EFCAB13: variants seen among roughly 807,000 people sequenced by gnomAD.
EFCAB13 encodes EF-hand calcium-binding domain-containing protein 13.
EFCAB13 carries 91 observed loss-of-function variants against 110.2 expected under a neutral mutation model. The ratio of observed to expected loss-of-function variants is 0.83; its 90% CI spans 0.70 to 0.98. The LOEUF is 0.98. Ranked by LOEUF, EFCAB13 falls within the 50% of genes least tolerant of loss-of-function variation. The probability of loss-of-function intolerance (pLI) is 0.00; values close to 1 mark genes in which losing one functional copy is unlikely to be tolerated. For synonymous variants in EFCAB13, 323 were observed against 369.9 expected, an observed-to-expected ratio of 0.87 and a Z score of 1.45; for missense variants, 968 against 1,119.4, an observed-to-expected ratio of 0.86 and a Z score of 1.93.
chr17:47,388,112 G>A (rs1355514753), intron 14 of EFCAB13, among the ~76,000 whole-genome samples: 1 of 152,170 alleles, frequency 6.6e-6, no homozygotes, highest in Non-Finnish European at 1.5e-5. Flanking sequence ...TTGTGGCCTG[G>A]GGTTGCTGGT....
intron 23 of EFCAB13, among the ~76,000 whole-genome samples, chr17:47,421,044 C>T (rs1904683238): frequency 6.7e-6 from 1 of 149,706 alleles, no homozygotes; most frequent in African/African-American, 2.5e-5. Flanking sequence ...CCCCGCCCGG[C>T]CAGCCACCCC....
intron 15 of EFCAB13, 50 bp downstream of exon 15, chr17:47,391,630 G>A (rs758217757): frequency 4.2e-5 from 61 of 1,457,430 alleles, no homozygotes; most frequent in Non-Finnish European, 5.3e-5. Flanking sequence ...TGGAAGGAGG[G>A]TCAATTTGTT....
At chr17:47,409,189 G>A (rs2065820783) in intron 20 of EFCAB13, 1 of 154,190 alleles carries the variant, frequency 6.5e-6, no homozygotes, top group Non-Finnish European at 1.4e-5. Flanking sequence ...GGAAGTATGT[G>A]GAGTGAATGG....
At position 47,325,949 on chromosome 17, in the gene EFCAB13, TATATATATATATAG is replaced by T. The variant is rs1490792215; in HGVS notation, c.-247-276_-247-263del. 5.9e-4 allele frequency among the ~76,000 whole-genome samples: 54 copies of T among 91,680 alleles called. 2 individuals carry two copies. The South Asian group carries it at 8.0e-3, about 14-fold the overall frequency. 60.1% of individuals were successfully genotyped at this position (91,680 alleles called of 152,430 possible). On this transcript the variant is annotated intron_variant, in intron 2 of 24. Transcript: ENST00000331493. Reference sequence around the variant, plus strand: ...ATATATATATATATATATATATATATATATATATATATAGCATATATATATTTTGTTCATTGGTA... The same window carrying T: ...ATATATATATATATATATATATATATCATATATATATTTTGTTCATTGGTA...
rs150727372 is a variant in EFCAB13 at position 47,379,183 on chromosome 17, G to T, written c.1512G>T (p.Glu504Asp). ...AATCTAAACTCTTTTTAAAAACAGA[G>T]AATGGAATGGTGGAGTTAGATGACT... is the stretch of plus-strand genomic sequence containing the variant. ...QKIVTDTSRN[E>D]NGMVELDDFV... Residue 504 changes from glutamate to aspartate, a missense_variant and splice_region_variant, in exon 14 of 25, where the codon GAG becomes GAT. Physicochemically the swap from Glu to Asp is conservative, Grantham distance 45. Coordinates refer to ENST00000331493, the MANE Select transcript of EFCAB13 (RefSeq NM_152347.5). 1.2e-4 allele frequency: 190 copies of T among 1,612,546 alleles called. 2 individuals carry two copies. The African/African-American group carries it at 2.3e-3, about 20-fold the overall frequency.
rs539270750 is a variant in EFCAB13 at position 47,391,796 on chromosome 17, A to T, written c.1726+216A>T. Among the ~76,000 whole-genome samples, 223 of 151,890 alleles carry T rather than the reference A, an allele frequency of 1.5e-3. 1 individual carries two copies. Among genetic ancestry groups the T allele is most frequent in the African/African-American group, 3.7e-3 (152 of 41,390 alleles). ...TAATAGTCTTTTTAATTAAAAAAAA[A>T]TTTTATTTATTTATTCTTTAAATAA... On this transcript the variant is annotated intron_variant, in intron 15 of 24. Transcript: ENST00000331493.
Position 47,379,248 on chromosome 17 carries a change from G to T in EFCAB13, c.1577G>T (p.Cys526Phe), listed in dbSNP as rs750589562. The T allele has an allele frequency of 6.8e-6, 11 of 1,611,618 alleles. No homozygotes were observed. The South Asian group carries it at 1.2e-4, about 18-fold the overall frequency. ...ALAKERSFPE[C>F]NALPGVIKAI... ...GCCAAGGAGCGAAGTTTTCCTGAAT[G>T]CAATGGTAGGTAGGAAATTTGTTTT... The change falls in exon 14 of 25, where the codon TGC becomes TTC. Residue 526 changes from cysteine (C) to phenylalanine (F), a missense_variant. Coordinates refer to ENST00000331493, the MANE Select transcript of EFCAB13 (RefSeq NM_152347.5).
chr17:47,392,002 G>A (rs1330297337), intron 15 of EFCAB13, among the ~76,000 whole-genome samples: 1 of 152,092 alleles, frequency 6.6e-6, no homozygotes, highest in African/African-American at 2.4e-5. Flanking sequence ...GAGTATCTGT[G>A]CCCATATAAC....
intron 9 of EFCAB13, among the ~76,000 whole-genome samples, chr17:47,357,772 A>C (rs1013231026): frequency 3.3e-5 from 5 of 152,216 alleles, no homozygotes; most frequent in Non-Finnish European, 5.9e-5. Context: ...CCAAACACAC[A>C]TATAAATCTA....
intron 23 of EFCAB13, among the ~76,000 whole-genome samples, chr17:47,428,110 T>C (rs1905023149): frequency 1.3e-5 from 2 of 151,920 alleles, no homozygotes; most frequent in South Asian, 2.1e-4. Flanking sequence ...ATGTTTGAAA[T>C]GTTAGTCAAA....
At position 47,370,495 on chromosome 17, in the gene EFCAB13, G is replaced by A. The variant is rs375205658; in HGVS notation, c.864G>A (p.Gln288=). The change falls in exon 11 of 25, where the codon CAG becomes CAA. Residue 288 remains glutamine (Q), a synonymous_variant. Coordinates refer to ENST00000331493, the MANE Select transcript of EFCAB13 (RefSeq NM_152347.5). ...IIFTLNELQE[Q]YEDVSITEGS... ...TTACTTTGAATGAGCTACAGGAACA[G>A]TATGAGGATGTTTGTAAGTGAGCTC... The A allele has an allele frequency of 3.6e-5, 57 of 1,605,290 alleles. No homozygotes were observed. Among genetic ancestry groups the A allele is most frequent in the Middle Eastern group, 1.7e-4 (1 of 6,016 alleles).
chr17:47,377,622 T>G lies in EFCAB13; in HGVS notation c.1373-144T>G, dbSNP rs539137775. 1.5e-4 allele frequency: 91 copies of G among 588,736 alleles called. 1 individual carries two copies. In the Middle Eastern group the frequency reaches 1.9e-3, roughly 12 times the overall value. The allele number at this position is 588,736 out of a possible 1,614,324, so 36.5% of individuals were successfully genotyped here. A position where few individuals can be genotyped will look rare whatever the true frequency, so the allele number is the denominator to read the frequency against. On this transcript the variant is annotated intron_variant, in intron 12 of 24. Transcript: ENST00000331493. ...AAATATAATGTAATATAAACAGATA[T>G]GGAGAGAAAAGCAGTCTTATAAAAT...
chr17:47,398,156 G>A (rs2065756554), intron 17 of EFCAB13, among the ~76,000 whole-genome samples: 1 of 145,102 alleles, frequency 6.9e-6, no homozygotes, highest in African/African-American at 2.6e-5. Flanking sequence ...TCTGGGAGGT[G>A]AGGGGCGCCT....
chr17:47,347,200 G>A lies in EFCAB13; in HGVS notation c.518-608G>A, dbSNP rs117296531. ...GAGGATTGTTTAAGCCCAGGATTTC[G>A]CGACAGGAGTTTGAGACTGCAGTGA... On this transcript the variant is annotated intron_variant, in intron 8 of 24. Transcript: ENST00000331493. Among the ~76,000 whole-genome samples, 236 of 152,230 alleles carry A rather than the reference G, an allele frequency of 1.6e-3. 1 individual carries two copies. The highest frequency in any genetic ancestry group is 5.0e-3 in the African/African-American group (208 of 41,542).
chr17:47,372,214 T>C (rs1158769311), intron 11 of EFCAB13, among the ~76,000 whole-genome samples: 1 of 152,140 alleles, frequency 6.6e-6, no homozygotes, highest in Non-Finnish European at 1.5e-5. Context: ...GTTGATTTTT[T>C]TTTACTTTTT....
At chr17:47,371,099 C>A (rs1016069660) in intron 11 of EFCAB13, among the ~76,000 whole-genome samples, 3 of 132,612 alleles carry the variant, frequency 2.3e-5, no homozygotes, top group African/African-American at 8.5e-5. Flanking sequence ...TGTTTGAATT[C>A]CTTGAATTCC....
In EFCAB13 at chr17:47,431,608, T is replaced by C. The variant is rs980749764; in HGVS notation, c.2638+1647T>C. Among the ~76,000 whole-genome samples, 9 of 152,238 alleles carry C rather than the reference T, an allele frequency of 5.9e-5. No individual in the cohort carries two copies. Among genetic ancestry groups the C allele is most frequent in the African/African-American group, 2.2e-4 (9 of 41,562 alleles). On this transcript the variant is annotated intron_variant, in intron 24 of 24. Coordinates refer to ENST00000331493, the MANE Select transcript of EFCAB13 (RefSeq NM_152347.5). The surrounding 1 kb of genome is among the most constrained non-coding windows in gnomAD (Gnocchi z 4.1). ...TAGTCATTACATTATTAATTTCTAG[T>C]TTAATTGCATTGTGGTGGTCAGTGA...
At chr17:47,336,956 T>C (rs1041854360) in intron 5 of EFCAB13, among the ~76,000 whole-genome samples, 1 of 152,220 alleles carries the variant, frequency 6.6e-6, no homozygotes. Flanking sequence ...ATGCTCATCT[T>C]ACCTGTTGGT....
intron 9 of EFCAB13, among the ~76,000 whole-genome samples, chr17:47,360,436 G>A (rs1770247029): frequency 6.6e-6 from 1 of 152,136 alleles, no homozygotes; most frequent in Non-Finnish European, 1.5e-5. Flanking sequence ...TTTGAGAAGT[G>A]TCTGTTCATA....
Sources: gnomAD v4.1 joint callset for allele counts (sites outside exome capture counted in the v4.1 genomes callset) on GRCh38, gnomAD v4.1.1 for gene constraint, Gnocchi (gnomAD v3.1) non-coding constraint, MANE v1.5 for transcripts, NCBI Gene and HGNC (gene_info 2026-07-23, HGNC 2026-07-21) for gene names.